The following DCAF4 variants were observed in gnomAD, a reference collection of about 807,000 sequenced individuals.
DCAF4 encodes the protein DDB1 and CUL4 associated factor 4.
Under a neutral mutation model 60.9 loss-of-function variants are expected in DCAF4, and 37 were observed. The ratio of observed to expected loss-of-function variants is 0.61; its 90% CI spans 0.47 to 0.80. The LOEUF (loss-of-function observed/expected upper bound fraction) is 0.80. DCAF4 is among the 30% of genes least tolerant of loss of function. The pLI is 0.00. For missense variants in DCAF4, 577 were observed against 650.0 expected (o/e 0.89, Z 1.22); for synonymous variants, 243 against 254.8 (o/e 0.95, Z 0.44).
intron 9 of DCAF4, among the ~76,000 whole-genome samples, chr14:72,953,732 A>AAAAAAAAAATATAT (rs1555527852): frequency 9.2e-5 from 2 of 21,766 alleles, no homozygotes; most frequent in African/African-American, 4.7e-4. Context: ...AAAAAAAAAA[A>AAAAAAAAAATATAT]ATATATATAT....
chr14:72,954,138 T>A, intron 9 of DCAF4, 26 bp from the exon 10 acceptor site: 2 of 1,613,726 alleles, frequency 1.2e-6, no homozygotes, highest in Non-Finnish European at 1.7e-6. Context: ...GCAGCCACAC[T>A]TTACATTCTC....
intron 1 of DCAF4, among the ~76,000 whole-genome samples, chr14:72,931,719 TG>T (rs1199546554): frequency 1.3e-5 from 2 of 152,192 alleles, no homozygotes; most frequent in Non-Finnish European, 2.9e-5. Flanking sequence ...GTATGTTGAA[TG>T]TTTTTTTAAT....
At chr14:72,957,551 C>T (rs1302923873) in intron 13 of DCAF4, 3 of 152,348 alleles carry the variant, frequency 2.0e-5, no homozygotes, top group South Asian at 2.1e-4. Flanking sequence ...TTACTATTCT[C>T]ATCAACACCA....
chr14:72,949,072 C>T (rs1361108146), intron 8 of DCAF4, among the ~76,000 whole-genome samples: 1 of 152,172 alleles, frequency 6.6e-6, no homozygotes, highest in African/African-American at 2.4e-5. Flanking sequence ...AGTTTCAGCA[C>T]CTGGTATATC....
At chr14:72,929,225 G>A (rs1217558810) in intron 1 of DCAF4, among the ~76,000 whole-genome samples, 1 of 152,232 alleles carries the variant, frequency 6.6e-6, no homozygotes, top group Non-Finnish European at 1.5e-5. Context: ...GGAAGCTGCG[G>A]GCTCCCAAAC....
At chr14:72,951,101 C>T (rs1891343831) in intron 8 of DCAF4, among the ~76,000 whole-genome samples, 1 of 152,054 alleles carries the variant, frequency 6.6e-6, no homozygotes, top group African/African-American at 2.4e-5. Context: ...CCACCTCAGC[C>T]TCCCAAGGAG....
At chr14:72,961,956 C>T, downstream of DCAF4, 1 of 1,143,004 alleles carries the variant, frequency 8.7e-7, no homozygotes, top group Non-Finnish European at 1.1e-6. Context: ...TCCGTCGGAG[C>T]ACGTCTGTCT....
chr14:72,941,634 C>A, intron 4 of DCAF4, 111 bp from the exon 5 acceptor site: 1 of 1,007,410 alleles, frequency 9.9e-7, no homozygotes, highest in Non-Finnish European at 1.5e-6. Flanking sequence ...TAATTTCTGC[C>A]AATTTAGTGC....
chr14:72,934,487 G>A lies in DCAF4; in HGVS notation c.-8-3484G>A, dbSNP rs144824364. Among the ~76,000 whole-genome samples the A allele has an allele frequency of 8.6e-5, 13 of 151,618 alleles. No individual in the cohort carries two copies. In the East Asian group the frequency reaches 1.7e-3, roughly 20 times the overall value. ...GTATTTTTAGTAGAGTTGGGGTTTC[G>A]TCATGTTGGTCAGGCTGGTCTCAAA... On this transcript the variant is annotated intron_variant, in intron 1 of 13. Coordinates refer to ENST00000358377, the MANE Select transcript of DCAF4 (RefSeq NM_015604.4).
Position 72,938,074 on chromosome 14 carries a change from A to G in DCAF4, c.92+4A>G. 2.5e-6 allele frequency: 4 copies of G among 1,601,284 alleles called. No homozygotes were observed. The highest frequency in any genetic ancestry group is 1.7e-4 in the Middle Eastern group (1 of 5,912). On this transcript the variant is annotated splice_donor_region_variant and intron_variant, in intron 2 of 13. Transcript: ENST00000358377. ...GACTCCGTGATTCTGAAGACAGGCA[A>G]GTGTGCCGCTCTGGGGAGCCACTTT... is the stretch of plus-strand genomic sequence containing the variant.
intron 1 of DCAF4, among the ~76,000 whole-genome samples, chr14:72,927,631 G>A (rs1309799046): frequency 3.3e-5 from 5 of 152,012 alleles, no homozygotes; most frequent in Admixed American, 1.3e-4. Context: ...GATTACAGGC[G>A]TGAGCCACCG....
At chr14:72,952,023 T>G (rs1376853918) in intron 9 of DCAF4, 146 bp downstream of exon 9, 9 of 719,356 alleles carry the variant, frequency 1.3e-5, no homozygotes, top group South Asian at 3.6e-5. Flanking sequence ...CAGAAGCATG[T>G]GTTTTTTTTA....
Position 72,954,181 on chromosome 14 carries a change from A to T in DCAF4, c.826A>T (p.Met276Leu). The T allele has an allele frequency of 6.2e-7, 1 of 1,614,162 alleles. No homozygotes were observed. Among genetic ancestry groups the T allele is most frequent in the Non-Finnish European group, 8.5e-7 (1 of 1,180,026 alleles). ...CTTAGCAGGAATAGACCGGCCTGGC[A>T]TGCTCTGCAGTTTCCGGATCCCTGG... ...NSHPGIDRPG[M>L]LCSFRIPGAW... The change falls in exon 10 of 14, where the codon ATG becomes TTG. Residue 276 changes from methionine to leucine, a missense_variant. Physicochemically the swap from Met to Leu is conservative, Grantham distance 15. Coordinates refer to ENST00000358377, the MANE Select transcript of DCAF4 (RefSeq NM_015604.4).
intron 1 of DCAF4, among the ~76,000 whole-genome samples, chr14:72,934,551 A>G (rs1567297712): frequency 6.6e-6 from 1 of 152,042 alleles, no homozygotes; most frequent in Admixed American, 6.5e-5. Flanking sequence ...CAGTCTGCCA[A>G]AGTGCTGGGA....
intron 9 of DCAF4, among the ~76,000 whole-genome samples, chr14:72,953,785 TGTGTG>T (rs1891884928): frequency 1.8e-4 from 1 of 5,534 alleles, no homozygotes; most frequent in Non-Finnish European, 5.0e-4. Flanking sequence ...TATTTATTTG[TGTGTG>T]TGTGTGTGTG....
chr14:72,958,264 C>A (rs1892549000), intron 13 of DCAF4, among the ~76,000 whole-genome samples: 1 of 152,186 alleles, frequency 6.6e-6, no homozygotes, highest in South Asian at 2.1e-4. Flanking sequence ...CAGAGCAAGA[C>A]CCTGTCCCTA....
chr14:72,941,559 G>A (rs1217366056), intron 4 of DCAF4, among the ~76,000 whole-genome samples, 186 bp from the exon 5 acceptor site: 1 of 152,008 alleles, frequency 6.6e-6, no homozygotes, highest in African/African-American at 2.4e-5. Flanking sequence ...ACTTTCTTCT[G>A]CTGGGCCTTT....
At chr14:72,952,609 G>A (rs1292447515) in intron 9 of DCAF4, among the ~76,000 whole-genome samples, 1 of 151,830 alleles carries the variant, frequency 6.6e-6, no homozygotes, top group African/African-American at 2.4e-5. Flanking sequence ...CAGGCTCACA[G>A]TACCCTTTGG....
chr14:72,953,758 TATATAG>T (rs1341850837), intron 9 of DCAF4, among the ~76,000 whole-genome samples: 6 of 63,302 alleles, frequency 9.5e-5, no homozygotes, highest in Non-Finnish European at 2.1e-4. Flanking sequence ...TATATATATA[TATATAG>T]TTTATTTATT....
Sources: allele counts gnomAD v4.1 joint callset (sites outside exome capture counted in the v4.1 genomes callset), GRCh38; gene constraint gnomAD v4.1.1; transcripts MANE v1.5; gene names NCBI Gene and HGNC (gene_info 2026-07-23, HGNC 2026-07-21).